Variants in MAP3K14 observed in about 807,000 individuals in gnomAD.
MAP3K14 encodes the protein NF-kappa-beta-inducing kinase.
A neutral mutation model predicts 99.2 loss-of-function variants in MAP3K14; 16 were observed. That is an observed-to-expected ratio of 0.16 (90% CI 0.11 to 0.24). The LOEUF is 0.24. Among genes scored for constraint, MAP3K14 ranks in the 10% least tolerant of loss-of-function variants. The probability of loss-of-function intolerance (pLI) is 1.00; values close to 1 mark genes in which losing one functional copy is unlikely to be tolerated. For synonymous variants in MAP3K14, 462 were observed against 492.4 expected (o/e 0.94, Z 0.82); for missense variants, 784 against 1,208.7 (o/e 0.65, Z 5.21).
intron 2 of MAP3K14, 125 bp downstream of exon 2, chr17:45,290,365 G>T: frequency 8.3e-7 from 1 of 1,210,438 alleles, no homozygotes; most frequent in Non-Finnish European, 1.1e-6. Context: ...CTCTGGTTGT[G>T]TCTCATGAGA....
intron 1 of MAP3K14, among the ~76,000 whole-genome samples, chr17:45,302,275 T>G (rs980714669): frequency 1.3e-5 from 2 of 152,168 alleles, no homozygotes; most frequent in African/African-American, 2.4e-5. Context: ...TCTACTGATT[T>G]TCTCTGTAGG....
At chr17:45,276,517 CTT>C (rs72228695) in intron 6 of MAP3K14, among the ~76,000 whole-genome samples, 5 of 147,044 alleles carry the variant, frequency 3.4e-5, no homozygotes, top group Non-Finnish European at 3.0e-5. Flanking sequence ...TGACTTAGAC[CTT>C]TTTTTTTTTT....
At chr17:45,264,831 T>A in intron 15 of MAP3K14, 31 bp from the exon 16 acceptor site, 1 of 1,607,376 alleles carries the variant, frequency 6.2e-7, no homozygotes, top group Non-Finnish European at 8.5e-7. Flanking sequence ...TGGGCTGAGA[T>A]CATGGCATAG....
Position 45,266,567 on chromosome 17 carries a change from G to T in MAP3K14, c.2548C>A (p.Arg850=). 2 of 1,612,770 alleles carry T rather than the reference G, an allele frequency of 1.2e-6. No individual in the cohort carries two copies. Among genetic ancestry groups the T allele is most frequent in the Non-Finnish European group, 8.5e-7 (1 of 1,179,522 alleles). ...SSWNMVLARG[R]PTDTPSYFNG... is the part of the protein sequence containing the mutation. ...AAATAGCTTGGGGTGTCGGTGGGCC[G>T]CCCCCGGGCCAGCACCATGTTCCAG... The change falls in exon 14 of 16, where the codon CGG becomes AGG. Residue 850 remains arginine (R), a synonymous_variant. Transcript: ENST00000344686.
intron 1 of MAP3K14, among the ~76,000 whole-genome samples, chr17:45,296,327 C>T (rs1159662595): frequency 1.3e-5 from 2 of 152,034 alleles, no homozygotes; most frequent in Admixed American, 6.6e-5. Context: ...CAGTTTGACA[C>T]CAGCCTGGAC....
chr17:45,300,506 C>A, intron 1 of MAP3K14, among the ~76,000 whole-genome samples: 1 of 152,186 alleles, frequency 6.6e-6, no homozygotes, highest in East Asian at 1.9e-4. Flanking sequence ...CTCTCTACAA[C>A]CCCTTGGCTA....
chr17:45,284,764 C>T lies in MAP3K14; in HGVS notation c.1290+48G>A, dbSNP rs186468655. 3.2e-5 allele frequency: 50 copies of T among 1,545,102 alleles called. No individual in the cohort carries two copies. In the East Asian group the frequency reaches 1.0e-3, roughly 31 times the overall value. The stretch of plus-strand genomic sequence containing the variant: ...CAGAAAGCAGAGGGAACACACCAGG[C>T]CCCCTTCCTGGCTTCCCTCTTCACT... On this transcript the variant is annotated intron_variant, in intron 6 of 15. Coordinates refer to ENST00000344686, the MANE Select transcript of MAP3K14 (RefSeq NM_003954.5).
chr17:45,299,178 A>G (rs1303703733), intron 1 of MAP3K14, among the ~76,000 whole-genome samples: 1 of 152,118 alleles, frequency 6.6e-6, no homozygotes, highest in South Asian at 2.1e-4. Flanking sequence ...AAATTCTCAG[A>G]TGAGTGAGCG....
chr17:45,294,168 T>G (rs2044331892), intron 1 of MAP3K14, among the ~76,000 whole-genome samples: 1 of 152,108 alleles, frequency 6.6e-6, no homozygotes, highest in East Asian at 1.9e-4. Context: ...GGCCCTCTAC[T>G]CTCTGCATAA....
At chr17:45,290,315 C>T (rs2143829912) in intron 2 of MAP3K14, among the ~76,000 whole-genome samples, 175 bp downstream of exon 2, 2 of 152,296 alleles carry the variant, frequency 1.3e-5, no homozygotes, top group South Asian at 4.2e-4. Flanking sequence ...ACCATCTGTG[C>T]ACTTTTACAA....
intron 15 of MAP3K14, 111 bp from the exon 16 acceptor site, chr17:45,264,911 G>A (rs2044062077): frequency 1.7e-6 from 2 of 1,172,984 alleles, no homozygotes; most frequent in African/African-American, 3.1e-5. Context: ...GGCACTGCCT[G>A]TCTGTCATTC....
chr17:45,281,393 G>C (rs979149604), intron 6 of MAP3K14, among the ~76,000 whole-genome samples: 1 of 148,006 alleles, frequency 6.8e-6, no homozygotes, highest in African/African-American at 2.5e-5. Flanking sequence ...TTGCCAGGCT[G>C]GAGTGCAGTG....
At chr17:45,289,961 A>G (rs1230827583) in intron 2 of MAP3K14, among the ~76,000 whole-genome samples, 3 of 152,186 alleles carry the variant, frequency 2.0e-5, no homozygotes, top group Admixed American at 2.0e-4. Flanking sequence ...ATTACTAGTC[A>G]TCATAAGGTA....
intron 14 of MAP3K14, chr17:45,266,173 G>C: frequency 5.2e-6 from 1 of 191,678 alleles, no homozygotes; most frequent in Admixed American, 6.0e-5. Context: ...CTTTTGCTGA[G>C]TTTTTGATTA....
chr17:45,306,104 G>A lies in MAP3K14; in HGVS notation c.-21+10856C>T, dbSNP rs959199943. The stretch of plus-strand genomic sequence containing the variant: ...AATGACAGCTATTATTATCTGCCAT[G>A]TATTAGGTAATGCGTGCATTTTTTT... On this transcript the variant is annotated intron_variant, in intron 1 of 15. Coordinates refer to ENST00000344686, the MANE Select transcript of MAP3K14 (RefSeq NM_003954.5). Among the ~76,000 whole-genome samples, 11 of 152,302 alleles carry A rather than the reference G, an allele frequency of 7.2e-5. 1 individual carries two copies. The highest frequency in any genetic ancestry group is 5.9e-4 in the Admixed American group (9 of 15,296).
intron 9 of MAP3K14, 51 bp from the exon 10 acceptor site, chr17:45,271,272 G>T: frequency 1.3e-6 from 2 of 1,543,968 alleles, no homozygotes; most frequent in Non-Finnish European, 1.7e-6. Context: ...ATGGGCAGGA[G>T]CCTAGGCAAT....
chr17:45,287,729 G>A (rs11574818), intron 3 of MAP3K14, among the ~76,000 whole-genome samples: 2 of 152,190 alleles, frequency 1.3e-5, no homozygotes, highest in African/African-American at 4.8e-5. Flanking sequence ...GACACGGTTC[G>A]CTCACTGCTC....
At chr17:45,273,218 T>C (rs1443477280) in intron 9 of MAP3K14, among the ~76,000 whole-genome samples, 1 of 151,936 alleles carries the variant, frequency 6.6e-6, no homozygotes, top group Non-Finnish European at 1.5e-5. Context: ...AGACAAGAGG[T>C]AGGAGCCACG....
intron 4 of MAP3K14, 45 bp from the exon 5 acceptor site, chr17:45,287,090 G>A (rs772256302): frequency 1.2e-5 from 20 of 1,602,782 alleles, no homozygotes; most frequent in Non-Finnish European, 1.6e-5. Flanking sequence ...CCAGGGCCCA[G>A]GGACAGGCTC....
Sources: gnomAD v4.1 joint callset for allele counts (sites outside exome capture counted in the v4.1 genomes callset) on GRCh38, gnomAD v4.1.1 for gene constraint, MANE v1.5 for transcripts, NCBI Gene and HGNC (gene_info 2026-07-23, HGNC 2026-07-21) for gene names.